The following PELP1 variants were observed in gnomAD, a reference collection of about 807,000 sequenced individuals.
The protein encoded by PELP1 is proline, glutamate and leucine rich protein 1, also known as proline-, glutamic acid- and leucine-rich protein 1.
PELP1 carries 32 observed loss-of-function variants against 95.5 expected under a neutral mutation model. That is an observed-to-expected ratio of 0.34 (90% CI 0.25 to 0.45). PELP1 has a LOEUF of 0.45. Ranked by LOEUF, PELP1 falls within the 20% of genes least tolerant of loss-of-function variation. The pLI is 1.00. For synonymous variants in PELP1, 668 were observed against 600.1 expected, an observed-to-expected ratio of 1.11 and a Z score of -1.65; for missense variants, 1,358 against 1,444.8, an observed-to-expected ratio of 0.94 and a Z score of 0.97.
chr17:4,690,693 G>A (rs1342647261), intron 3 of PELP1, among the ~76,000 whole-genome samples, 195 bp downstream of exon 3: 1 of 152,164 alleles, frequency 6.6e-6, no homozygotes, highest in Non-Finnish European at 1.5e-5. Context: ...CTGCCCTCCA[G>A]CCTGAGTGAC....
rs1417026776 is a variant in PELP1, at chr17:4,676,513, G to A, written c.703-6C>T. On this transcript the variant is annotated splice_polypyrimidine_tract_variant and splice_region_variant and intron_variant, in intron 6 of 16. Transcript: ENST00000572293. ...GAATAACACTCACAGGCCAACTGCGGGAGAAAGGACAGAAACCTGGTCAGA... is the reference window on the plus strand; with the variant it reads ...GAATAACACTCACAGGCCAACTGCGAGAGAAAGGACAGAAACCTGGTCAGA... The A allele has an allele frequency of 6.2e-6, 10 of 1,613,398 alleles. No individual in the cohort carries two copies. Among genetic ancestry groups the A allele is most frequent in the Non-Finnish European group, 8.5e-6 (10 of 1,179,716 alleles).
Position 4,671,492 on chromosome 17 carries a change from C to T in PELP1, c.3340G>A (p.Asp1114Asn). ...DTAAMLADFI[D>N]CPPDDEKPPP... ...GGCTTCTCATCATCAGGGGGACAAT[C>T]GATGAAGTCGGCCAGCATGGCAGCT... Residue 1114 changes from aspartate (D) to asparagine (N), a missense_variant, in exon 17 of 17, where the codon GAT becomes AAT. By Grantham distance (23) the Asp-to-Asn change is conservative. Transcript: ENST00000572293. The T allele has an allele frequency of 9.3e-6, 15 of 1,612,730 alleles. No homozygotes were observed. The highest frequency in any genetic ancestry group is 1.1e-5 in the Non-Finnish European group (13 of 1,178,810).
chr17:4,674,517 T>G lies in PELP1; in HGVS notation c.1575A>C (p.Ala525=). 6.2e-7 allele frequency: 1 copy of G among 1,612,204 alleles called. No individual in the cohort carries two copies. The highest frequency in any genetic ancestry group is 8.5e-7 in the Non-Finnish European group (1 of 1,179,276). ...GGCACAGGCCTCACCCACCTCTGAG[T>G]GCAGCCGCACACACGTCGCTGTTGG... ...SNANSDVCAA[A]LRGLSRTILM... is the part of the protein sequence containing the mutation. Residue 525 remains alanine, a synonymous_variant, in exon 13 of 17, where the codon GCA becomes GCC. Transcript: ENST00000572293.
rs767476158 is a variant in PELP1, at chr17:4,673,711, C to T, written c.1583-37G>A. The T allele has an allele frequency of 6.3e-7, 1 of 1,587,548 alleles. No individual in the cohort carries two copies. The highest frequency in any genetic ancestry group is 8.7e-7 in the Non-Finnish European group (1 of 1,155,886). On this transcript the variant is annotated intron_variant, in intron 13 of 16. Transcript: ENST00000572293. The surrounding 1 kb of genome is among the most constrained non-coding windows in gnomAD (Gnocchi z 5.7). ...GAATGGTGTGTAAAGGGTAGGCTCC[C>T]AACAGACTGACGGCAAGGGCTTCTG... is the stretch of plus-strand genomic sequence containing the variant.
Position 4,693,919 on chromosome 17 carries a change from G to A in PELP1, c.250-2477C>T, listed in dbSNP as rs559552302. ...CATAAATAGGAATGAAGTTTTAGCC[G>A]GGCACAATGGCACCCGCCTGTAGTC... On this transcript the variant is annotated intron_variant, in intron 1 of 16. Transcript: ENST00000572293. Among the ~76,000 whole-genome samples, 20 of 152,210 alleles carry A rather than the reference G, an allele frequency of 1.3e-4. No individual in the cohort carries two copies. In the South Asian group the frequency reaches 1.7e-3, roughly 13 times the overall value.
chr17:4,675,040 TCTC>T lies in PELP1; in HGVS notation c.1274+36_1274+38del. Reference sequence around the variant, plus strand: ...GCCCACCTGCACCCCCTCACCCCCCTCTCCTCTTTATTCCCTTCCTGCCTTCCT... The same window carrying T: ...GCCCACCTGCACCCCCTCACCCCCCTCTCTTTATTCCCTTCCTGCCTTCCT... On this transcript the variant is annotated intron_variant, in intron 11 of 16. Transcript: ENST00000572293. The surrounding 1 kb of genome is among the most constrained non-coding windows in gnomAD (Gnocchi z 4.3). 6.2e-7 allele frequency: 1 copy of T among 1,603,482 alleles called. No individual in the cohort carries two copies. The highest frequency in any genetic ancestry group is 8.5e-7 in the Non-Finnish European group (1 of 1,170,992).
chr17:4,690,191 G>A (rs752056081), intron 3 of PELP1, among the ~76,000 whole-genome samples: 18 of 152,238 alleles, frequency 1.2e-4, no homozygotes, highest in South Asian at 4.1e-4. Context: ...ACCAAACATC[G>A]TATGTTCTCA....
rs558754158 is a variant in PELP1 at position 4,673,599 on chromosome 17, G to A, written c.1638+20C>T. 2.2e-5 allele frequency: 35 copies of A among 1,611,972 alleles called. No homozygotes were observed. Among genetic ancestry groups the A allele is most frequent in the East Asian group, 8.9e-5 (4 of 44,872 alleles). On this transcript the variant is annotated intron_variant, in intron 14 of 16. Coordinates refer to ENST00000572293, the MANE Select transcript of PELP1 (RefSeq NM_014389.3). The surrounding 1 kb of genome is among the most constrained non-coding windows in gnomAD (Gnocchi z 5.7). ...CAGGGGCCCCTTCCCCTATCTCCACGGAGACGAGGCTCCACTAACCCTGTG... is the reference window on the plus strand; with the variant it reads ...CAGGGGCCCCTTCCCCTATCTCCACAGAGACGAGGCTCCACTAACCCTGTG...
rs773437514 is a variant in PELP1, at chr17:4,673,340, C to T, written c.1755G>A (p.Ala585=). The part of the protein sequence containing the change: ...CRRELYCLLL[A]LLLAPSPRCP... ...AGCGAGGAGACGGGGCCAGCAGCAG[C>T]GCCAGCAGCAGGCAGTAGAGTTCAC... Residue 585 remains alanine (A), a synonymous_variant, in exon 15 of 17, where the codon GCG becomes GCA. Coordinates refer to ENST00000572293, the MANE Select transcript of PELP1 (RefSeq NM_014389.3). This position sits in a 1 kb window ranked among gnomAD's most constrained non-coding sequence, Gnocchi z 5.7. 18 of 1,593,790 alleles carry T rather than the reference C, an allele frequency of 1.1e-5. No homozygotes were observed. The highest frequency in any genetic ancestry group is 3.5e-5 in the Admixed American group (2 of 56,404).
At chr17:4,690,251 T>C (rs1001928362) in intron 3 of PELP1, among the ~76,000 whole-genome samples, 1 of 152,018 alleles carries the variant, frequency 6.6e-6, no homozygotes, top group Middle Eastern at 3.2e-3. Context: ...AAAAATGATA[T>C]AATGAACTCT....
In PELP1 at chr17:4,671,501, C is replaced by G. The variant is rs199531847; in HGVS notation, c.3331G>C (p.Asp1111His). Residue 1111 changes from aspartate (D) to histidine (H), a missense_variant, in exon 17 of 17, where the codon GAC (aspartate) becomes CAC (histidine). Coordinates refer to ENST00000572293, the MANE Select transcript of PELP1 (RefSeq NM_014389.3). The stretch of plus-strand genomic sequence containing the variant: ...TCATCAGGGGGACAATCGATGAAGT[C>G]GGCCAGCATGGCAGCTGTGTCATCC... Reference protein sequence around the residue: ...EQDDTAAMLADFIDCPPDDEK... With the variant: ...EQDDTAAMLAHFIDCPPDDEK... 1.5e-4 allele frequency: 250 copies of G among 1,613,550 alleles called. No homozygotes were observed. The highest frequency in any genetic ancestry group is 4.0e-4 in the Admixed American group (24 of 60,018).
chr17:4,699,499 G>T (rs4790686), intron 1 of PELP1, among the ~76,000 whole-genome samples: 148,941 of 152,342 alleles, frequency 0.98, 72,890 homozygotes, highest in Middle Eastern at 1. Context: ...AGAAGAAGAA[G>T]GAGAGACAAA....
At chr17:4,683,054 G>A (rs913383019) in intron 3 of PELP1, 102 bp from the exon 4 acceptor site, 18 of 1,368,376 alleles carry the variant, frequency 1.3e-5, no homozygotes, top group South Asian at 1.2e-4. Flanking sequence ...CACGGTTAAT[G>A]TCAGTCTGAC....
intron 7 of PELP1, 62 bp downstream of exon 7, chr17:4,676,295 C>T: frequency 6.3e-7 from 1 of 1,585,780 alleles, no homozygotes; most frequent in South Asian, 1.1e-5. Flanking sequence ...GGGCTCCCCT[C>T]CTGTTCCTTC....
At chr17:4,702,009 G>C (rs1204407199) in intron 1 of PELP1, among the ~76,000 whole-genome samples, 1 of 152,202 alleles carries the variant, frequency 6.6e-6, no homozygotes, top group Non-Finnish European at 1.5e-5. Flanking sequence ...AAATAAGCAA[G>C]ACGTTAAGTT....
At chr17:4,699,897 A>ATTT (rs34806511) in intron 1 of PELP1, among the ~76,000 whole-genome samples, 49,430 of 86,536 alleles carry the variant, frequency 0.57, 16,071 homozygotes, top group South Asian at 0.77. Flanking sequence ...CTAGAGGGTG[A>ATTT]TTTTTTTTTT....
In PELP1 at chr17:4,675,745, G is replaced by C. The variant is rs1401302550; in HGVS notation, c.1068+52C>G. The C allele has an allele frequency of 7.6e-7, 1 of 1,318,538 alleles. No individual in the cohort carries two copies. The highest frequency in any genetic ancestry group is 2.0e-5 in the Admixed American group (1 of 50,714). The allele number at this position is 1,318,538 out of a possible 1,614,324, so 81.7% of individuals were successfully genotyped here. On this transcript the variant is annotated intron_variant, in intron 9 of 16. Transcript: ENST00000572293. The surrounding 1 kb of genome is among the most constrained non-coding windows in gnomAD (Gnocchi z 4.3). ...GACTCAGGTCCCCAGTACTTTCCTG[G>C]TTGCCTGGTATCCTGAGCAAGGGCT...
At position 4,683,497 on chromosome 17, in the gene PELP1, G is replaced by A. The variant is rs544721106; in HGVS notation, c.421-545C>T. Among the ~76,000 whole-genome samples the A allele has an allele frequency of 7.7e-5, 11 of 142,000 alleles. No homozygotes were observed. In the East Asian group the frequency reaches 1.5e-3, roughly 19 times the overall value. 93.2% of individuals were successfully genotyped at this position (142,000 alleles called of 152,430 possible). ...GCCTCCCAAAGTGCTGGGATTACAG[G>A]TGTGAGCCATCACGCCCAGCTGAGT... On this transcript the variant is annotated intron_variant, in intron 3 of 16. Coordinates refer to ENST00000572293, the MANE Select transcript of PELP1 (RefSeq NM_014389.3).
At position 4,671,184 on chromosome 17, in the gene PELP1, C is replaced by A; in HGVS notation, c.*255G>T. 1.9e-6 allele frequency: 1 copy of A among 537,024 alleles called. No individual in the cohort carries two copies. The highest frequency in any genetic ancestry group is 3.3e-6 in the Non-Finnish European group (1 of 300,690). 33.3% of individuals were successfully genotyped at this position (537,024 alleles called of 1,614,324 possible). On this transcript the variant is annotated 3_prime_UTR_variant, in exon 17 of 17. Coordinates refer to ENST00000572293, the MANE Select transcript of PELP1 (RefSeq NM_014389.3). ...ACAATTCTGCACGTTTAGCATCCAG[C>A]CAGAATCCTACAATTCTGACACCAT... is the stretch of plus-strand genomic sequence containing the variant.
Sources: allele counts gnomAD v4.1 joint callset (sites outside exome capture counted in the v4.1 genomes callset), GRCh38; gene constraint gnomAD v4.1.1; non-coding constraint Gnocchi (gnomAD v3.1); transcripts MANE v1.5; gene names NCBI Gene and HGNC (gene_info 2026-07-23, HGNC 2026-07-21).